GFRA2: variants seen among roughly 807,000 people sequenced by gnomAD.
The protein encoded by GFRA2 is GDNF family receptor alpha-2.
In GFRA2, 17 loss-of-function variants were observed where a neutral mutation model predicts 48.3. The observed-to-expected ratio is 0.35, with a 90% CI of 0.24 to 0.53. The LOEUF is 0.53. GFRA2 is among the 20% of genes least tolerant of loss of function. GFRA2 has a pLI of 0.93. For missense variants in GFRA2, 660 were observed against 637.3 expected (o/e 1.04, Z -0.38); for synonymous variants, 305 against 257.2 (o/e 1.19, Z -1.78).
chr8:21,796,368 A>T (rs1326327365), intron 2 of GFRA2, among the ~76,000 whole-genome samples: 1 of 152,202 alleles, frequency 6.6e-6, no homozygotes, highest in Non-Finnish European at 1.5e-5. Flanking sequence ...TCCTCCTGCC[A>T]AGCCTTGGGG....
At chr8:21,728,840 G>A (rs1476495245) in intron 4 of GFRA2, among the ~76,000 whole-genome samples, 1 of 152,230 alleles carries the variant, frequency 6.6e-6, no homozygotes, top group African/African-American at 2.4e-5. Flanking sequence ...GTTTGACATG[G>A]AAATTCCTAA....
In GFRA2 at chr8:21,788,436, C is replaced by A; in HGVS notation, c.-277G>T. 19 of 1,217,438 alleles carry A rather than the reference C, an allele frequency of 1.6e-5. No homozygotes were observed. The highest frequency in any genetic ancestry group is 1.6e-5 in the Non-Finnish European group (16 of 977,226). 75.4% of individuals were successfully genotyped at this position (1,217,438 alleles called of 1,614,324 possible). ...CGTATCTGTGTATCGGCTTTCTAAG[C>A]CAACAGCCCAGTCCTGGGGTCAGCC... is the stretch of plus-strand genomic sequence containing the variant. On this transcript the variant is annotated 5_prime_UTR_variant, in exon 1 of 9. Coordinates refer to ENST00000524240, the MANE Select transcript of GFRA2 (RefSeq NM_001495.5).
chr8:21,794,471 G>A (rs920911478), intron 2 of GFRA2, among the ~76,000 whole-genome samples: 3 of 151,714 alleles, frequency 2.0e-5, no homozygotes, highest in African/African-American at 4.8e-5. Context: ...GGCTGGTCTC[G>A]AACTCTTGAC....
At chr8:21,771,266 C>T (rs1421516281) in intron 3 of GFRA2, among the ~76,000 whole-genome samples, 1 of 152,242 alleles carries the variant, frequency 6.6e-6, no homozygotes, top group Non-Finnish European at 1.5e-5. Context: ...AAGGCCCGTG[C>T]TCTTCCAGGC....
Position 21,735,153 on chromosome 8 carries a change from G to A in GFRA2, c.794+15435C>T, listed in dbSNP as rs147958349. On this transcript the variant is annotated intron_variant, in intron 4 of 8. Coordinates refer to ENST00000524240, the MANE Select transcript of GFRA2 (RefSeq NM_001495.5). Reference sequence around the variant, plus strand: ...TCAGGACCTCCTAAGGCTGTGTCACGGGCTCACATCCTCAGCCTTGGCAAA... The same window carrying A: ...TCAGGACCTCCTAAGGCTGTGTCACAGGCTCACATCCTCAGCCTTGGCAAA... Among the ~76,000 whole-genome samples, 20 of 152,282 alleles carry A rather than the reference G, an allele frequency of 1.3e-4. No individual in the cohort carries two copies. In the East Asian group the frequency reaches 2.7e-3, roughly 21 times the overall value.
intron 3 of GFRA2, 96 bp downstream of exon 3, chr8:21,774,876 T>A: frequency 1.4e-6 from 1 of 710,186 alleles, no homozygotes; most frequent in Non-Finnish European, 2.6e-6. Flanking sequence ...AGGGCCATCA[T>A]CGGACGCCAG....
intron 1 of GFRA2, among the ~76,000 whole-genome samples, chr8:21,810,235 C>T (rs1807951767): frequency 6.6e-6 from 1 of 152,182 alleles, no homozygotes; most frequent in Admixed American, 6.5e-5. Context: ...TCCAAACCTG[C>T]CCCCAGATAC....
At chr8:21,699,290 G>C in intron 7 of GFRA2, among the ~76,000 whole-genome samples, 1 of 152,234 alleles carries the variant, frequency 6.6e-6, no homozygotes, top group Non-Finnish European at 1.5e-5. Context: ...AGGAGAGAGA[G>C]GTGGCCGCTG....
chr8:21,811,645 C>G (rs1474084579), intron 1 of GFRA2, among the ~76,000 whole-genome samples: 1 of 152,072 alleles, frequency 6.6e-6, no homozygotes, highest in East Asian at 1.9e-4. Flanking sequence ...CCCTGGCCTT[C>G]TCCTGCATAC....
chr8:21,751,513 G>T (rs1805293567), intron 3 of GFRA2, among the ~76,000 whole-genome samples: 1 of 151,574 alleles, frequency 6.6e-6, no homozygotes, highest in Non-Finnish European at 1.5e-5. Context: ...GTGTGGGCAA[G>T]GGGCCTGCCC....
intron 7 of GFRA2, 31 bp from the exon 8 acceptor site, chr8:21,694,548 G>A: frequency 6.3e-7 from 1 of 1,598,956 alleles, no homozygotes; most frequent in Non-Finnish European, 8.5e-7. Flanking sequence ...GTCAGGACGA[G>A]TCACCAGGCT....
At chr8:21,753,618 C>CAA (rs202212987) in intron 3 of GFRA2, among the ~76,000 whole-genome samples, 1 of 139,232 alleles carries the variant, frequency 7.2e-6, no homozygotes, top group African/African-American at 2.7e-5. Context: ...GACTCTGTCT[C>CAA]AAAAAAAAAG....
At chr8:21,803,783 C>T (rs376701586) in intron 2 of GFRA2, among the ~76,000 whole-genome samples, 146 of 152,286 alleles carry the variant, frequency 9.6e-4, no homozygotes, top group African/African-American at 2.5e-3. Context: ...CAGGCACAAA[C>T]CACCACACCT....
At chr8:21,738,589 G>A (rs1048059150) in intron 4 of GFRA2, among the ~76,000 whole-genome samples, 5 of 152,066 alleles carry the variant, frequency 3.3e-5, no homozygotes, top group Non-Finnish European at 7.4e-5. Flanking sequence ...CAGACTCCCT[G>A]GCCCAGAGTC....
At chr8:21,695,073 G>A (rs1049429886) in intron 7 of GFRA2, among the ~76,000 whole-genome samples, 5 of 152,154 alleles carry the variant, frequency 3.3e-5, no homozygotes, top group African/African-American at 1.2e-4. Context: ...GTCTGCCACT[G>A]GTCCATTAGG....
intron 1 of GFRA2, among the ~76,000 whole-genome samples, chr8:21,786,883 G>A (rs1807298150): frequency 6.6e-6 from 1 of 152,214 alleles, no homozygotes; most frequent in South Asian, 2.1e-4. Context: ...GGAGGGAGAG[G>A]GTGAGATCAT....
intron 3 of GFRA2, among the ~76,000 whole-genome samples, chr8:21,767,009 C>G (rs535725181): frequency 3.3e-4 from 45 of 134,754 alleles, no homozygotes; most frequent in East Asian, 1.1e-3. Flanking sequence ...CCTACATACA[C>G]CAGCACATAT....
At chr8:21,707,337 G>C (rs995591289) in intron 4 of GFRA2, among the ~76,000 whole-genome samples, 2 of 152,164 alleles carry the variant, frequency 1.3e-5, no homozygotes, top group Non-Finnish European at 2.9e-5. Flanking sequence ...GTCCCATTTG[G>C]GAAAGGAACA....
At chr8:21,805,699 G>A (rs1807848625) in intron 1 of GFRA2, among the ~76,000 whole-genome samples, 1 of 152,160 alleles carries the variant, frequency 6.6e-6, no homozygotes, top group South Asian at 2.1e-4. Context: ...GTCCTGTCCA[G>A]TGCCTTAACC....
Sources: allele counts gnomAD v4.1 joint callset (sites outside exome capture counted in the v4.1 genomes callset), GRCh38; gene constraint gnomAD v4.1.1; transcripts MANE v1.5; gene names NCBI Gene and HGNC (gene_info 2026-07-23, HGNC 2026-07-21).